The following TNRC6A variants were observed in gnomAD, a reference collection of about 807,000 sequenced individuals.
TNRC6A encodes the protein trinucleotide repeat containing adaptor 6A.
A neutral mutation model predicts 221.2 loss-of-function variants in TNRC6A; 44 were observed. That is an observed-to-expected ratio of 0.20 (90% CI 0.16 to 0.26). The LOEUF is 0.26. Among genes scored for constraint, TNRC6A ranks in the 10% least tolerant of loss-of-function variants. The probability of loss-of-function intolerance (pLI) is 1.00; values close to 1 mark genes in which losing one functional copy is unlikely to be tolerated. For missense variants in TNRC6A, 2,199 were observed against 2,404.4 expected (o/e 0.91, Z 1.79); for synonymous variants, 847 against 838.5 (o/e 1.01, Z -0.18).
chr16:24,682,330 G>A (rs780190298), intron 2 of TNRC6A, among the ~76,000 whole-genome samples: 11 of 150,710 alleles, frequency 7.3e-5, no homozygotes, highest in African/African-American at 9.8e-5. Context: ...AAGGTCAAGC[G>A]ATACTCTCAC....
At chr16:24,751,780 AAC>A (rs2057141797) in intron 3 of TNRC6A, among the ~76,000 whole-genome samples, 2 of 152,218 alleles carry the variant, frequency 1.3e-5, no homozygotes, top group Non-Finnish European at 1.5e-5. Flanking sequence ...AATAGGGGAA[AAC>A]ACAGGCTGTA....
At chr16:24,680,562 C>A (rs546610775) in intron 2 of TNRC6A, among the ~76,000 whole-genome samples, 2 of 151,798 alleles carry the variant, frequency 1.3e-5, no homozygotes, top group African/African-American at 4.8e-5. Flanking sequence ...ACTAAAAATA[C>A]AAAAATTAGC....
chr16:24,703,666 C>T (rs1447232131), intron 2 of TNRC6A, among the ~76,000 whole-genome samples: 4 of 152,078 alleles, frequency 2.6e-5, no homozygotes, highest in Non-Finnish European at 5.9e-5. Flanking sequence ...CTACTTTTTC[C>T]CTATTATGAA....
intron 9 of TNRC6A, 83 bp downstream of exon 9, chr16:24,796,022 T>G: frequency 1.4e-6 from 2 of 1,477,044 alleles, no homozygotes; most frequent in Non-Finnish European, 1.9e-6. Context: ...ATTTAGCCTC[T>G]GCTGTGTGCC....
At chr16:24,795,302 C>T (rs1036950431) in intron 8 of TNRC6A, among the ~76,000 whole-genome samples, 1 of 152,168 alleles carries the variant, frequency 6.6e-6, no homozygotes, top group African/African-American at 2.4e-5. Context: ...CTCAGGTCTA[C>T]TGAAGTTTTG....
intron 1 of TNRC6A, among the ~76,000 whole-genome samples, chr16:24,640,718 A>G (rs1901906806): frequency 6.6e-6 from 1 of 152,022 alleles, no homozygotes; most frequent in Non-Finnish European, 1.5e-5. Flanking sequence ...GACAAAAAAA[A>G]AAAAAAGAAA....
intron 5 of TNRC6A, among the ~76,000 whole-genome samples, chr16:24,788,372 G>A (rs564355343): frequency 1.6e-4 from 25 of 152,298 alleles, no homozygotes; most frequent in African/African-American, 5.3e-4. Flanking sequence ...AATATTTCAG[G>A]TTGAATACGG....
At chr16:24,612,891 A>G (rs1289789601) in intron 1 of TNRC6A, among the ~76,000 whole-genome samples, 2 of 152,080 alleles carry the variant, frequency 1.3e-5, no homozygotes, top group East Asian at 3.8e-4. Flanking sequence ...ATCACACAAG[A>G]TGATATATTG....
chr16:24,650,114 A>T (rs1199747178), intron 2 of TNRC6A, among the ~76,000 whole-genome samples: 1 of 149,882 alleles, frequency 6.7e-6, no homozygotes, highest in Non-Finnish European at 1.5e-5. Flanking sequence ...GTGAGCCACC[A>T]CACCCAGCCT....
At chr16:24,666,028 G>A (rs1231858421) in intron 2 of TNRC6A, among the ~76,000 whole-genome samples, 4 of 152,094 alleles carry the variant, frequency 2.6e-5, no homozygotes, top group Non-Finnish European at 5.9e-5. Context: ...GAGAAATGAT[G>A]TTCAAGAGAA....
At chr16:24,776,797 G>A (rs2057727702) in intron 4 of TNRC6A, 136 bp from the exon 5 acceptor site, 1 of 1,474,546 alleles carries the variant, frequency 6.8e-7, no homozygotes, top group Non-Finnish European at 8.9e-7. Flanking sequence ...GCCTGTAAAT[G>A]AGGATATCCC....
At chr16:24,620,588 AC>A (rs1900616045) in intron 1 of TNRC6A, among the ~76,000 whole-genome samples, 1 of 152,080 alleles carries the variant, frequency 6.6e-6, no homozygotes. Context: ...CGGGCAGATT[AC>A]CTGAAATCAG....
chr16:24,814,935 C>T (rs532661006), intron 18 of TNRC6A, among the ~76,000 whole-genome samples: 1 of 152,250 alleles, frequency 6.6e-6, no homozygotes, highest in East Asian at 1.9e-4. Flanking sequence ...GATGTTTATG[C>T]ATCTCATAAA....
At chr16:24,625,456 A>T (rs2141629248) in intron 1 of TNRC6A, among the ~76,000 whole-genome samples, 1 of 152,158 alleles carries the variant, frequency 6.6e-6, no homozygotes, top group Middle Eastern at 3.4e-3. Flanking sequence ...TACTAAAAGT[A>T]TAAAAATTAG....
rs184136523 is a variant in TNRC6A at position 24,789,020 on chromosome 16, C to A, written c.590-212C>A. Among the ~76,000 whole-genome samples, 6 of 152,248 alleles carry A rather than the reference C, an allele frequency of 3.9e-5. No homozygotes were observed. The South Asian group carries it at 8.3e-4, about 21-fold the overall frequency. On this transcript the variant is annotated intron_variant, in intron 5 of 24. Transcript: ENST00000395799. ...AGTATTTATCAAGGGGCTGTTATGTCCTCTAGGATCTTAGGATAGTATCAG... is the reference window on the plus strand; with the variant it reads ...AGTATTTATCAAGGGGCTGTTATGTACTCTAGGATCTTAGGATAGTATCAG...
At chr16:24,622,430 G>A (rs1023249903) in intron 1 of TNRC6A, among the ~76,000 whole-genome samples, 12 of 152,068 alleles carry the variant, frequency 7.9e-5, no homozygotes, top group Non-Finnish European at 2.9e-5. Context: ...GTGAAACCCT[G>A]TTTCTGGTAA....
chr16:24,724,007 A>C (rs139033952), intron 2 of TNRC6A, among the ~76,000 whole-genome samples: 3 of 152,302 alleles, frequency 2.0e-5, no homozygotes, highest in Non-Finnish European at 2.9e-5. Flanking sequence ...ATAATGAAAG[A>C]CATTTTATTT....
chr16:24,756,568 C>G (rs1056138454), intron 3 of TNRC6A, among the ~76,000 whole-genome samples: 1 of 152,136 alleles, frequency 6.6e-6, no homozygotes, highest in Non-Finnish European at 1.5e-5. Flanking sequence ...TGAGGTTGAC[C>G]GTTGTTTTAA....
intron 9 of TNRC6A, 102 bp downstream of exon 9, chr16:24,796,041 TGCTTGGTGCTGGGG>T (rs2058212936): frequency 6.1e-6 from 8 of 1,320,166 alleles, no homozygotes; most frequent in African/African-American, 1.5e-5. Flanking sequence ...CCAGGTACTG[TGCTTGGTGCTGGGG>T]ATTCAAATAC....
Sources: allele counts gnomAD v4.1 joint callset (sites outside exome capture counted in the v4.1 genomes callset), GRCh38; gene constraint gnomAD v4.1.1; transcripts MANE v1.5; gene names NCBI Gene and HGNC (gene_info 2026-07-23, HGNC 2026-07-21).